MACROD2: variants seen among roughly 807,000 people sequenced by gnomAD.
MACROD2 encodes the protein mono-ADP ribosylhydrolase 2.
In MACROD2, 36 loss-of-function variants were observed where a neutral mutation model predicts 70.4. That is an observed-to-expected ratio of 0.51 (90% CI 0.39 to 0.68). The LOEUF (loss-of-function observed/expected upper bound fraction) is 0.68, where lower values mean the gene tolerates loss of function less well. Ranked by LOEUF, MACROD2 falls within the 30% of genes least tolerant of loss-of-function variation. The pLI is 0.00. For synonymous variants in MACROD2, 172 were observed against 178.8 expected, an observed-to-expected ratio of 0.96 and a Z score of 0.30; for missense variants, 496 against 538.4, an observed-to-expected ratio of 0.92 and a Z score of 0.78.
At chr20:14,312,479 T>C (rs1219174779) in intron 3 of MACROD2, among the ~76,000 whole-genome samples, 3 of 152,234 alleles carry the variant, frequency 2.0e-5, no homozygotes, top group Admixed American at 2.0e-4. Context: ...ATAAAAATTA[T>C]TTTTTGAGCA....
At chr20:14,155,139 GA>G (rs1333356542) in intron 3 of MACROD2, among the ~76,000 whole-genome samples, 3 of 152,032 alleles carry the variant, frequency 2.0e-5, no homozygotes, top group African/African-American at 7.3e-5. Context: ...CAAAATAACT[GA>G]TACATGTATA....
At chr20:14,364,610 C>T (rs1041232417) in intron 3 of MACROD2, among the ~76,000 whole-genome samples, 1 of 152,144 alleles carries the variant, frequency 6.6e-6, no homozygotes, top group Admixed American at 6.5e-5. Flanking sequence ...TTCCCTGGTC[C>T]CTTCTCTCCT....
At chr20:14,121,780 G>A (rs1326543416) in intron 3 of MACROD2, among the ~76,000 whole-genome samples, 3 of 151,966 alleles carry the variant, frequency 2.0e-5, no homozygotes, top group East Asian at 1.9e-4. Context: ...TCCTTTTTAC[G>A]TCAAATAATA....
rs149214800 is a variant in MACROD2, at chr20:15,031,203, C to T, written c.419-198737C>T. Among the ~76,000 whole-genome samples the T allele has an allele frequency of 4.9e-3, 747 of 152,298 alleles. 11 individuals carry two copies. Among genetic ancestry groups the T allele is most frequent in the African/African-American group, 0.017 (712 of 41,562 alleles). On this transcript the variant is annotated intron_variant, in intron 5 of 17. Transcript: ENST00000684519. ...GGACGTCAGGGAACGTGGTGGCACCCCGAAGCTTGGAGACGTCAGGAACCT... is the reference window on the plus strand; with the variant it reads ...GGACGTCAGGGAACGTGGTGGCACCTCGAAGCTTGGAGACGTCAGGAACCT...
intron 8 of MACROD2, among the ~76,000 whole-genome samples, chr20:15,504,286 G>T (rs1167865584): frequency 6.6e-6 from 1 of 152,080 alleles, no homozygotes; most frequent in East Asian, 1.9e-4. Flanking sequence ...TCAGAAACCC[G>T]AGGGGAGGAA....
intron 3 of MACROD2, among the ~76,000 whole-genome samples, chr20:14,151,811 C>CTT (rs144065987): frequency 0.014 from 808 of 59,224 alleles, 129 homozygotes; most frequent in Non-Finnish European, 0.019. Flanking sequence ...TGTATTGTAT[C>CTT]TTTTTTTTTT....
chr20:15,015,202 A>G (rs2075112005), intron 5 of MACROD2, among the ~76,000 whole-genome samples: 1 of 151,972 alleles, frequency 6.6e-6, no homozygotes, highest in Non-Finnish European at 1.5e-5. Context: ...TAATTTTTTC[A>G]TTCTAGTTTT....
intron 5 of MACROD2, among the ~76,000 whole-genome samples, chr20:15,090,297 C>T (rs1428413982): frequency 2.0e-5 from 3 of 151,714 alleles, no homozygotes; most frequent in Admixed American, 6.6e-5. Context: ...TTATTTTTAC[C>T]ATACACTGGA....
intron 6 of MACROD2, among the ~76,000 whole-genome samples, chr20:15,358,253 A>G (rs2078311856): frequency 6.6e-6 from 1 of 152,230 alleles, no homozygotes; most frequent in South Asian, 2.1e-4. Context: ...TAGTATATTT[A>G]CACGGCTCTA....
intron 8 of MACROD2, among the ~76,000 whole-genome samples, chr20:15,842,517 T>C (rs929296136): frequency 2.7e-5 from 4 of 150,784 alleles, no homozygotes; most frequent in Non-Finnish European, 5.9e-5. Flanking sequence ...TGGCTAATGT[T>C]AATTTGCTTC....
At chr20:14,283,582 CTCCTT>C (rs1425874889) in intron 3 of MACROD2, among the ~76,000 whole-genome samples, 1 of 152,120 alleles carries the variant, frequency 6.6e-6, no homozygotes, top group Non-Finnish European at 1.5e-5. Context: ...TAATTACAAT[CTCCTT>C]TGGAAGAAAT....
intron 6 of MACROD2, among the ~76,000 whole-genome samples, chr20:15,394,838 T>A (rs2045840056): frequency 6.6e-6 from 1 of 152,216 alleles, no homozygotes; most frequent in South Asian, 2.1e-4. Context: ...TTGTTTTCCC[T>A]GGCTCAGTGA....
chr20:14,688,340 C>A (rs536233280), intron 5 of MACROD2, among the ~76,000 whole-genome samples: 1 of 152,244 alleles, frequency 6.6e-6, no homozygotes, highest in Non-Finnish European at 1.5e-5. Flanking sequence ...CTCTTTTATG[C>A]TTGCTAAATT....
intron 15 of MACROD2, among the ~76,000 whole-genome samples, chr20:16,014,727 A>G (rs772622313): frequency 6.6e-6 from 1 of 152,152 alleles, no homozygotes; most frequent in Non-Finnish European, 1.5e-5. Context: ...CCTTCCATGC[A>G]TGTCCTTTGG....
At chr20:15,540,668 G>T (rs780316866) in intron 8 of MACROD2, among the ~76,000 whole-genome samples, 1 of 152,192 alleles carries the variant, frequency 6.6e-6, no homozygotes, top group Non-Finnish European at 1.5e-5. Flanking sequence ...AGAAACAATA[G>T]AAATGTACTG....
At chr20:14,285,344 C>T (rs530253266) in intron 3 of MACROD2, among the ~76,000 whole-genome samples, 13 of 152,090 alleles carry the variant, frequency 8.5e-5, no homozygotes, top group Non-Finnish European at 1.8e-4. Flanking sequence ...ATATATTGAA[C>T]CATCAGAAAG....
intron 4 of MACROD2, among the ~76,000 whole-genome samples, chr20:14,559,696 G>C (rs1323465470): frequency 6.6e-6 from 1 of 151,408 alleles, no homozygotes; most frequent in South Asian, 2.1e-4. Context: ...TTTTTCTTTA[G>C]TTATATACAT....
Position 15,989,820 on chromosome 20 carries a change from G to T in MACROD2, c.1153+2662G>T, listed in dbSNP as rs80086707. Among the ~76,000 whole-genome samples the T allele has an allele frequency of 2.0e-4, 9 of 45,628 alleles. No individual in the cohort carries two copies. In the East Asian group the frequency reaches 4.7e-3, roughly 24 times the overall value. 29.9% of individuals were successfully genotyped at this position (45,628 alleles called of 152,430 possible). On this transcript the variant is annotated intron_variant, in intron 15 of 17. Transcript: ENST00000684519. Reference sequence around the variant, plus strand: ...AAGACTCCTTTTAAGGAGGCAGAAAGTGATTCCTTTAAAAAAAAAAAAATC... The same window carrying T: ...AAGACTCCTTTTAAGGAGGCAGAAATTGATTCCTTTAAAAAAAAAAAAATC...
intron 8 of MACROD2, among the ~76,000 whole-genome samples, chr20:15,629,276 T>C (rs898392824): frequency 6.6e-6 from 1 of 152,218 alleles, no homozygotes; most frequent in Non-Finnish European, 1.5e-5. Flanking sequence ...TCAGACCTTG[T>C]TAATTTTAGC....
Sources: gnomAD v4.1 joint callset for allele counts (sites outside exome capture counted in the v4.1 genomes callset) on GRCh38, gnomAD v4.1.1 for gene constraint, MANE v1.5 for transcripts, NCBI Gene and HGNC (gene_info 2026-07-23, HGNC 2026-07-21) for gene names.